CYP51A1: variants seen among roughly 807,000 people sequenced by gnomAD.
The protein encoded by CYP51A1 is lanosterol 14-alpha demethylase.
A neutral mutation model predicts 53.5 loss-of-function variants in CYP51A1; 45 were observed. That is an observed-to-expected ratio of 0.84 (90% CI 0.66 to 1.08). The LOEUF is 1.08. Ranked by LOEUF, CYP51A1 falls within the 50% of genes least tolerant of loss-of-function variation. The pLI is 0.00. For missense variants in CYP51A1, 462 were observed against 621.7 expected (o/e 0.74, Z 2.73); for synonymous variants, 181 against 217.7 (o/e 0.83, Z 1.48).
At position 92,123,124 on chromosome 7, in the gene CYP51A1, T is replaced by C; in HGVS notation, c.1082A>G (p.Asp361Gly). ...CGENLPPLTYDQLKDLNLLDR... is the reference protein window; with the variant it reads ...CGENLPPLTYGQLKDLNLLDR... ...AAACTGAAAAATCCAACAAACCTGGTCATAAGTTAAAGGAGGCAGATTCTC... is the reference window on the plus strand; with the variant it reads ...AAACTGAAAAATCCAACAAACCTGGCCATAAGTTAAAGGAGGCAGATTCTC... The change falls in exon 7 of 10, where the codon GAC (aspartate) becomes GGC (glycine). Residue 361 changes from aspartate (D) to glycine (G), a missense_variant. By Grantham distance (94) the Asp-to-Gly change is moderately conservative (BLOSUM62 -1). Coordinates refer to ENST00000003100, the MANE Select transcript of CYP51A1 (RefSeq NM_000786.4). The C allele has an allele frequency of 6.2e-7, 1 of 1,609,554 alleles. No individual in the cohort carries two copies.
chr7:92,133,706 C>T (rs1584640554), intron 1 of CYP51A1, among the ~76,000 whole-genome samples: 1 of 152,298 alleles, frequency 6.6e-6, no homozygotes, highest in African/African-American at 2.4e-5. Flanking sequence ...GAACACTGAA[C>T]CACACAGGGC....
intron 1 of CYP51A1, among the ~76,000 whole-genome samples, chr7:92,133,593 G>A (rs932504196): frequency 1.3e-5 from 2 of 152,108 alleles, no homozygotes; most frequent in Admixed American, 6.5e-5. Flanking sequence ...ATTAGCATCA[G>A]AGGAAGGCCC....
intron 1 of CYP51A1, among the ~76,000 whole-genome samples, chr7:92,133,531 T>C (rs1157499519): frequency 6.6e-6 from 1 of 152,208 alleles, no homozygotes; most frequent in Non-Finnish European, 1.5e-5. Context: ...CCTCCCGAAG[T>C]GCTGGGATTA....
chr7:92,118,492 G>A (rs1819622455), intron 8 of CYP51A1, 28 bp downstream of exon 8: 10 of 1,206,310 alleles, frequency 8.3e-6, no homozygotes, highest in Non-Finnish European at 1.1e-5. Context: ...TGGGGGTATA[G>A]AGGGGAAGAT....
At chr7:92,127,400 A>G (rs1819821336) in intron 4 of CYP51A1, 105 bp downstream of exon 4, 2 of 1,052,710 alleles carry the variant, frequency 1.9e-6, no homozygotes, top group Non-Finnish European at 1.4e-6. Flanking sequence ...AGGTAGTTTT[A>G]CATACACTGT....
chr7:92,123,700 C>A, intron 6 of CYP51A1, 34 bp downstream of exon 6: 1 of 1,559,156 alleles, frequency 6.4e-7, no homozygotes, highest in South Asian at 1.2e-5. Flanking sequence ...TAATTTCCTG[C>A]TTCAGCTTAA....
intron 5 of CYP51A1, 80 bp from the exon 6 acceptor site, chr7:92,123,933 C>T (rs1054347727): frequency 5.7e-6 from 7 of 1,224,240 alleles, no homozygotes; most frequent in East Asian, 5.2e-5. Context: ...GAACCAGGAC[C>T]GAGCATAAAG....
At chr7:92,118,725 T>A in intron 7 of CYP51A1, 110 bp from the exon 8 acceptor site, 1 of 673,008 alleles carries the variant, frequency 1.5e-6, no homozygotes, top group Non-Finnish European at 2.7e-6. Context: ...CAGCTAAAAG[T>A]ACAGAGGTAA....
chr7:92,123,735 T>G lies in CYP51A1; in HGVS notation c.889A>C (p.Lys297Gln). The change falls in exon 6 of 10, where the codon AAG becomes CAG. Residue 297 changes from lysine to glutamine, a missense_variant and splice_region_variant. Lys to Gln is a moderately conservative substitution (Grantham distance 53, BLOSUM62 1). Transcript: ENST00000003100. ...ATATGTTATCTGAATAGCTCTTACT[T>G]GTATGTAGCATCTAGTAAAGTTTGG... ...ILQTLLDATY[K>Q]DGRPLTDDEV... 1 of 1,604,094 alleles carries G rather than the reference T, an allele frequency of 6.2e-7. No homozygotes were observed. The highest frequency in any genetic ancestry group is 8.5e-7 in the Non-Finnish European group (1 of 1,176,788).
At chr7:92,116,745 C>G (rs1488126580) in intron 9 of CYP51A1, among the ~76,000 whole-genome samples, 1 of 152,094 alleles carries the variant, frequency 6.6e-6, no homozygotes, top group African/African-American at 2.4e-5. Context: ...AGAGAATCCA[C>G]AAAGAGCTTT....
intron 2 of CYP51A1, among the ~76,000 whole-genome samples, chr7:92,131,514 C>T (rs1381932770): frequency 1.3e-5 from 2 of 152,154 alleles, no homozygotes; most frequent in Non-Finnish European, 2.9e-5. Context: ...AGAACAGTGG[C>T]TTTTAAACCA....
chr7:92,114,027 T>C (rs1195029279), intron 9 of CYP51A1, among the ~76,000 whole-genome samples, 184 bp from the exon 10 acceptor site: 1 of 152,206 alleles, frequency 6.6e-6, no homozygotes. Flanking sequence ...CAATACCACA[T>C]TTTAGGAAAA....
intron 2 of CYP51A1, among the ~76,000 whole-genome samples, chr7:92,129,611 T>C (rs1391797498): frequency 2.0e-5 from 3 of 152,230 alleles, no homozygotes; most frequent in Non-Finnish European, 2.9e-5. Flanking sequence ...AGATGTTAAA[T>C]ACTTTCCCTT....
intron 8 of CYP51A1, 98 bp from the exon 9 acceptor site, chr7:92,117,310 T>C: frequency 9.9e-7 from 1 of 1,009,110 alleles, no homozygotes; most frequent in Non-Finnish European, 1.5e-6. Flanking sequence ...CATGGGATAC[T>C]CAGATGCTCC....
At chr7:92,134,038 C>A (rs1435398254) in intron 1 of CYP51A1, 135 bp downstream of exon 1, 5 of 826,098 alleles carry the variant, frequency 6.1e-6, no homozygotes, top group Non-Finnish European at 9.1e-6. Context: ...ACCAAAGCCA[C>A]GCCAAGCATG....
At chr7:92,131,753 C>A in intron 2 of CYP51A1, 21 bp downstream of exon 2, 15 of 1,051,284 alleles carry the variant, frequency 1.4e-5, no homozygotes, top group Non-Finnish European at 1.9e-5. Flanking sequence ...TTTTTTTCCT[C>A]TAATTATTTG....
At chr7:92,129,080 G>GTGC in intron 2 of CYP51A1, 24 bp from the exon 3 acceptor site, 1 of 1,512,734 alleles carries the variant, frequency 6.6e-7, no homozygotes. Context: ...AGTACATATA[G>GTGC]TGATGTTACA....
In CYP51A1 at chr7:92,126,854, G is replaced by A. The variant is rs190904106; in HGVS notation, c.596-427C>T. Among the ~76,000 whole-genome samples, 162 of 152,282 alleles carry A rather than the reference G, an allele frequency of 1.1e-3. 3 individuals are homozygous for A. Among genetic ancestry groups the A allele is most frequent in the Admixed American group, 0.01 (158 of 15,292 alleles). The stretch of plus-strand genomic sequence containing the variant: ...TCAGGGCCAAAATGGAATTACTGGC[G>A]ATATGTAAAAGAAAACTATAATCAC... On this transcript the variant is annotated intron_variant, in intron 4 of 9. Transcript: ENST00000003100.
intron 4 of CYP51A1, 61 bp downstream of exon 4, chr7:92,127,443 CT>C: frequency 6.7e-7 from 1 of 1,494,288 alleles, no homozygotes; most frequent in Non-Finnish European, 9.1e-7. Context: ...CACATATATA[CT>C]CTACTTTTCT....
Sources: gnomAD v4.1 joint callset for allele counts (sites outside exome capture counted in the v4.1 genomes callset) on GRCh38, gnomAD v4.1.1 for gene constraint, MANE v1.5 for transcripts, NCBI Gene and HGNC (gene_info 2026-07-23, HGNC 2026-07-21) for gene names.